The following IL1RAPL2 variants were observed in gnomAD, a reference collection of about 807,000 sequenced individuals.
The protein encoded by IL1RAPL2 is X-linked interleukin-1 receptor accessory protein-like 2.
In IL1RAPL2, 3 loss-of-function variants were observed where a neutral mutation model predicts 44.1. The ratio of observed to expected loss-of-function variants is 0.07; its 90% CI spans 0.03 to 0.18. The LOEUF (loss-of-function observed/expected upper bound fraction) is 0.18. IL1RAPL2 is among the 10% of genes least tolerant of loss of function. The probability of loss-of-function intolerance (pLI) is 1.00; values close to 1 mark genes in which losing one functional copy is unlikely to be tolerated. For synonymous variants in IL1RAPL2, 181 were observed against 178.8 expected (o/e 1.01, Z -0.10); for missense variants, 391 against 496.4 (o/e 0.79, Z 2.02).
intron 6 of IL1RAPL2, among the ~76,000 whole-genome samples, chrX:105,537,834 C>T (rs2036688678): frequency 9.1e-6 from 1 of 110,407 alleles, no homozygotes; most frequent in Admixed American, 9.7e-5. Context: ...ATCTCCCTGT[C>T]CTCAAATCTA....
rs767601103 is a variant in IL1RAPL2 at position 104,889,749 on chromosome X, C to T, written c.82+230754C>T. 4.5e-5 allele frequency among the ~76,000 whole-genome samples: 5 copies of T among 111,828 alleles called. No homozygotes were observed. In the East Asian group the frequency reaches 1.1e-3, roughly 25 times the overall value. Reference sequence around the variant, plus strand: ...TACCACACACTCTCAAAGGATTTCTCAGACAGTTTGCAATAAATAATGAAA... The same window carrying T: ...TACCACACACTCTCAAAGGATTTCTTAGACAGTTTGCAATAAATAATGAAA... On this transcript the variant is annotated intron_variant, in intron 2 of 10. Coordinates refer to ENST00000372582, the MANE Select transcript of IL1RAPL2 (RefSeq NM_017416.2).
At chrX:105,584,780 G>A (rs1241387104) in intron 6 of IL1RAPL2, among the ~76,000 whole-genome samples, 1 of 110,830 alleles carries the variant, frequency 9.0e-6, no homozygotes, top group African/African-American at 3.3e-5. Flanking sequence ...TTGATCACTG[G>A]TGTTCAGCAA....
At chrX:105,496,426 G>A (rs2036356947) in intron 6 of IL1RAPL2, among the ~76,000 whole-genome samples, 1 of 112,291 alleles carries the variant, frequency 8.9e-6, no homozygotes, top group Non-Finnish European at 1.9e-5. Context: ...GAAAATGAAA[G>A]TTCTTGAGAA....
intron 2 of IL1RAPL2, among the ~76,000 whole-genome samples, chrX:104,877,478 C>T (rs1277854492): frequency 8.9e-6 from 1 of 112,433 alleles, no homozygotes; most frequent in Non-Finnish European, 1.9e-5. Context: ...CAAAGCCGGG[C>T]AGAGACACAA....
At chrX:105,004,928 G>T (rs2030914890) in intron 2 of IL1RAPL2, among the ~76,000 whole-genome samples, 1 of 110,741 alleles carries the variant, frequency 9.0e-6, no homozygotes, top group Admixed American at 9.7e-5. Context: ...GTGAGGTGGG[G>T]GAGGAAAACT....
intron 2 of IL1RAPL2, among the ~76,000 whole-genome samples, chrX:104,846,718 G>A (rs1041370694): frequency 5.4e-5 from 6 of 111,979 alleles, no homozygotes; most frequent in Non-Finnish European, 5.6e-5. Flanking sequence ...ACCCAGTAAT[G>A]GGATGGCTGG....
At chrX:104,813,795 G>A (rs190498463) in intron 2 of IL1RAPL2, among the ~76,000 whole-genome samples, 1 of 111,762 alleles carries the variant, frequency 8.9e-6, no homozygotes, top group East Asian at 2.8e-4. Context: ...GACTCTCCTG[G>A]TAGGCAAGAG....
intron 6 of IL1RAPL2, among the ~76,000 whole-genome samples, chrX:105,673,790 G>A (rs2037844572): frequency 8.9e-6 from 1 of 112,135 alleles, no homozygotes; most frequent in Non-Finnish European, 1.9e-5. Flanking sequence ...CACCAACAGT[G>A]TAAAAGTGTT....
intron 2 of IL1RAPL2, among the ~76,000 whole-genome samples, chrX:105,130,529 A>C (rs1335916722): frequency 2.7e-5 from 3 of 111,335 alleles, no homozygotes; most frequent in Non-Finnish European, 5.7e-5. Flanking sequence ...GCTTCCATCC[A>C]GGAGGATGCA....
At chrX:104,952,057 A>G (rs765031774) in intron 2 of IL1RAPL2, among the ~76,000 whole-genome samples, 1 of 112,040 alleles carries the variant, frequency 8.9e-6, no homozygotes, top group Non-Finnish European at 1.9e-5. Flanking sequence ...TATCAAATTA[A>G]TGCTAAATGA....
At chrX:105,566,208 G>A (rs181887537) in intron 6 of IL1RAPL2, among the ~76,000 whole-genome samples, 12 of 111,367 alleles carry the variant, frequency 1.1e-4, no homozygotes, top group Admixed American at 8.6e-4. Flanking sequence ...AAGAGAGAGA[G>A]AGAAAAAGAG....
chrX:105,720,930 A>G (rs1012924029), intron 7 of IL1RAPL2, among the ~76,000 whole-genome samples: 6 of 109,499 alleles, frequency 5.5e-5, no homozygotes, highest in Non-Finnish European at 1.1e-4. Context: ...CCTTTGTACC[A>G]TAAGAATACT....
intron 2 of IL1RAPL2, among the ~76,000 whole-genome samples, chrX:105,030,225 G>T (rs1303312836): frequency 9.0e-6 from 1 of 111,130 alleles, no homozygotes; most frequent in Admixed American, 9.6e-5. Context: ...AGTTTCTTTT[G>T]CTGTGCAGAA....
chrX:105,013,792 A>AT (rs1384041621), intron 2 of IL1RAPL2, among the ~76,000 whole-genome samples: 5 of 111,338 alleles, frequency 4.5e-5, no homozygotes, highest in Non-Finnish European at 1.9e-5. Flanking sequence ...TTTCACGATG[A>AT]CTCTTTTTCC....
At chrX:104,783,138 A>G (rs1932782906) in intron 2 of IL1RAPL2, among the ~76,000 whole-genome samples, 1 of 112,238 alleles carries the variant, frequency 8.9e-6, no homozygotes, top group African/African-American at 3.2e-5. Flanking sequence ...ACATAGAAGC[A>G]GTAGAAAATG....
chrX:104,790,374 C>A (rs767167615), intron 2 of IL1RAPL2, among the ~76,000 whole-genome samples: 12 of 110,999 alleles, frequency 1.1e-4, no homozygotes, highest in South Asian at 7.8e-4. Context: ...AACTTGGTGT[C>A]TTTTTGTTCT....
chrX:105,609,068 T>G (rs1438939523), intron 6 of IL1RAPL2, among the ~76,000 whole-genome samples: 1 of 111,600 alleles, frequency 9.0e-6, no homozygotes, highest in East Asian at 2.8e-4. Context: ...GTGAGTAAAC[T>G]GCTATTTTGA....
chrX:104,841,464 T>C (rs1227418037), intron 2 of IL1RAPL2, among the ~76,000 whole-genome samples: 1 of 112,223 alleles, frequency 8.9e-6, no homozygotes, highest in African/African-American at 3.2e-5. Context: ...CATTAGCTGA[T>C]GCAGTTTCTT....
intron 5 of IL1RAPL2, among the ~76,000 whole-genome samples, chrX:105,414,094 C>A (rs771353254): frequency 4.5e-5 from 5 of 111,595 alleles, no homozygotes; most frequent in Non-Finnish European, 9.4e-5. Flanking sequence ...ATTTCTATTA[C>A]ACAGTGCTGA....
Sources: allele counts gnomAD v4.1 joint callset (sites outside exome capture counted in the v4.1 genomes callset), GRCh38; gene constraint gnomAD v4.1.1; transcripts MANE v1.5; gene names NCBI Gene and HGNC (gene_info 2026-07-23, HGNC 2026-07-21).